MYL1: variants seen among roughly 807,000 people sequenced by gnomAD.
MYL1 encodes myosin light chain 1/3, skeletal muscle isoform.
Under a neutral mutation model 21.8 loss-of-function variants are expected in MYL1, and 16 were observed. That is an observed-to-expected ratio of 0.74 (90% CI 0.50 to 1.12). The LOEUF (loss-of-function observed/expected upper bound fraction) is 1.12, where lower values mean the gene tolerates loss of function less well. Among genes scored for constraint, MYL1 ranks in the 50% most tolerant of loss-of-function variants. The pLI is 0.00. For synonymous variants in MYL1, 99 were observed against 85.2 expected (o/e 1.16, Z -0.89); for missense variants, 246 against 241.0 (o/e 1.02, Z -0.14).
chr2:210,295,883 T>A (rs759706501), intron 3 of MYL1, among the ~76,000 whole-genome samples: 5 of 151,924 alleles, frequency 3.3e-5, no homozygotes, highest in Non-Finnish European at 7.4e-5. Flanking sequence ...GCCCTATTGC[T>A]TGCTCACTTT....
Position 210,315,106 on chromosome 2 carries a change from A to G in MYL1, c.-64T>C, listed in dbSNP as rs1453697734. ...TCCTCCAAAAGAACCTGTCAAAATG[A>G]TTCTTGGAAGAGGAGTGGTGGTTGG... is the stretch of plus-strand genomic sequence containing the variant. On this transcript the variant is annotated 5_prime_UTR_variant, in exon 1 of 7. Coordinates refer to ENST00000352451, the MANE Select transcript of MYL1 (RefSeq NM_079420.3). 2 of 1,573,062 alleles carry G rather than the reference A, an allele frequency of 1.3e-6. No individual in the cohort carries two copies. The highest frequency in any genetic ancestry group is 1.7e-6 in the Non-Finnish European group (2 of 1,167,984).
chr2:210,295,746 C>T (rs1690163569), intron 3 of MYL1, among the ~76,000 whole-genome samples: 1 of 151,088 alleles, frequency 6.6e-6, no homozygotes, highest in East Asian at 1.9e-4. Context: ...ATTGCTTGAG[C>T]CTGGGAGGTT....
chr2:210,299,862 G>A (rs530135564), intron 2 of MYL1, among the ~76,000 whole-genome samples: 17 of 152,092 alleles, frequency 1.1e-4, no homozygotes, highest in Non-Finnish European at 1.9e-4. Context: ...GGCTATCAGT[G>A]GTTTCAGATC....
In MYL1 at chr2:210,315,104, T is replaced by G; in HGVS notation, c.-62A>C. ...GTTCCTCCAAAAGAACCTGTCAAAA[T>G]GATTCTTGGAAGAGGAGTGGTGGTT... On this transcript the variant is annotated 5_prime_UTR_variant, in exon 1 of 7. Transcript: ENST00000352451. 6.4e-7 allele frequency: 1 copy of G among 1,574,798 alleles called. No homozygotes were observed. The highest frequency in any genetic ancestry group is 8.6e-7 in the Non-Finnish European group (1 of 1,169,006).
At chr2:210,312,687 T>C (rs1312173759) in intron 1 of MYL1, among the ~76,000 whole-genome samples, 1 of 151,930 alleles carries the variant, frequency 6.6e-6, no homozygotes, top group Non-Finnish European at 1.5e-5. Flanking sequence ...CTCTTTTTTT[T>C]CTCTGTTGCA....
intron 3 of MYL1, among the ~76,000 whole-genome samples, chr2:210,294,729 G>T (rs558482646): frequency 6.6e-6 from 1 of 152,108 alleles, no homozygotes; most frequent in Non-Finnish European, 1.5e-5. Context: ...AACTAAATGA[G>T]CTAATGAATG....
rs140441697 is a variant in MYL1, at chr2:210,302,513, G to A, written c.135C>T (p.Ile45=). 3.0e-4 allele frequency: 489 copies of A among 1,609,390 alleles called. 1 individual carries two copies. In the African/African-American group the frequency reaches 4.1e-3, roughly 14 times the overall value. Residue 45 remains isoleucine (I), a splice_region_variant and synonymous_variant, in exon 2 of 7, where the codon ATC becomes ATT. Coordinates refer to ENST00000352451, the MANE Select transcript of MYL1 (RefSeq NM_079420.3). ...EEKIDLSAIK[I]EFSKEQQDEF... is the part of the protein sequence containing the mutation. ...CATCCTGCTGTTCCTTAGAGAACTC[G>A]ATCTGTTAGAAAGAAATTGACCACA...
chr2:210,297,818 A>C (rs2125740222), intron 3 of MYL1, among the ~76,000 whole-genome samples: 1 of 151,762 alleles, frequency 6.6e-6, no homozygotes, highest in South Asian at 2.1e-4. Context: ...CACTCATAGA[A>C]GCAGTGTGTC....
In MYL1 at chr2:210,307,915, G is replaced by A. The variant is rs926528258; in HGVS notation, c.133-5400C>T. On this transcript the variant is annotated intron_variant, in intron 1 of 6. Coordinates refer to ENST00000352451, the MANE Select transcript of MYL1 (RefSeq NM_079420.3). ...TGAGTTATAGAAAAAATATTAAAAC[G>A]CTGTTAATCAAACAGGCTCTGGAAC... 2.0e-5 allele frequency among the ~76,000 whole-genome samples: 3 copies of A among 152,126 alleles called. No individual in the cohort carries two copies. In the East Asian group the frequency reaches 5.8e-4, roughly 29 times the overall value.
At chr2:210,308,348 G>A (rs1401100070) in intron 1 of MYL1, among the ~76,000 whole-genome samples, 1 of 133,788 alleles carries the variant, frequency 7.5e-6, no homozygotes, top group Non-Finnish European at 1.6e-5. Flanking sequence ...TCAAGTCGAA[G>A]GAAATAAATA....
intron 2 of MYL1, among the ~76,000 whole-genome samples, chr2:210,301,999 T>C (rs1690271367): frequency 6.6e-6 from 1 of 152,112 alleles, no homozygotes; most frequent in Non-Finnish European, 1.5e-5. Context: ...AATTAATCCT[T>C]CTTCTTTGTT....
At chr2:210,303,664 C>T (rs1690298184) in intron 1 of MYL1, 2 of 1,446,220 alleles carry the variant, frequency 1.4e-6, no homozygotes, top group Non-Finnish European at 1.9e-6. Context: ...CAAGCTTTGA[C>T]CTCACAGCTA....
rs1360103100 is a variant in MYL1, at chr2:210,290,585, C to T, written c.*15-118G>A. 3 of 152,456 alleles carry T rather than the reference C, an allele frequency of 2.0e-5. No individual in the cohort carries two copies. The East Asian group carries it at 5.8e-4, about 29-fold the overall frequency. The allele number at this position is 152,456 out of a possible 1,614,324, so 9.4% of individuals were successfully genotyped here. Reference sequence around the variant, plus strand: ...AAAGCGCAAAGTGAACCAGCACTTACAAGATGAGCCAATTCCTAGTTGTAA... The same window carrying T: ...AAAGCGCAAAGTGAACCAGCACTTATAAGATGAGCCAATTCCTAGTTGTAA... On this transcript the variant is annotated intron_variant, in intron 6 of 6. Transcript: ENST00000352451.
At chr2:210,314,298 A>G (rs926734580) in intron 1 of MYL1, among the ~76,000 whole-genome samples, 2 of 152,214 alleles carry the variant, frequency 1.3e-5, no homozygotes, top group Admixed American at 6.5e-5. Context: ...ATAAATAAAC[A>G]AGATGACAGT....
intron 1 of MYL1, among the ~76,000 whole-genome samples, chr2:210,310,185 G>T (rs1304452800): frequency 6.6e-6 from 1 of 152,034 alleles, no homozygotes; most frequent in Non-Finnish European, 1.5e-5. Context: ...AAAGGCCAGA[G>T]TAAAAGAAAA....
chr2:210,303,924 A>C (rs2125742558), intron 1 of MYL1, among the ~76,000 whole-genome samples: 1 of 152,248 alleles, frequency 6.6e-6, no homozygotes, highest in Admixed American at 6.5e-5. Flanking sequence ...AATTTCTTTA[A>C]GGTCTTGGGC....
chr2:210,307,513 C>T, intron 1 of MYL1, among the ~76,000 whole-genome samples: 1 of 152,168 alleles, frequency 6.6e-6, no homozygotes. Flanking sequence ...ATATTTGTAG[C>T]ACCTTCCTTT....
intron 1 of MYL1, among the ~76,000 whole-genome samples, chr2:210,309,574 G>A (rs1040445404): frequency 1.3e-5 from 2 of 152,070 alleles, no homozygotes; most frequent in East Asian, 1.9e-4. Context: ...CTGCTTTGAG[G>A]TAAGAAACAA....
intron 2 of MYL1, among the ~76,000 whole-genome samples, chr2:210,300,849 C>G (rs1477650833): frequency 6.6e-6 from 1 of 152,064 alleles, no homozygotes; most frequent in Non-Finnish European, 1.5e-5. Flanking sequence ...AATAGAGCAG[C>G]CATGAACAAA....
Sources: gnomAD v4.1 joint callset for allele counts (sites outside exome capture counted in the v4.1 genomes callset) on GRCh38, gnomAD v4.1.1 for gene constraint, MANE v1.5 for transcripts, NCBI Gene and HGNC (gene_info 2026-07-23, HGNC 2026-07-21) for gene names.